RBFOX1: variants seen among roughly 807,000 people sequenced by gnomAD.
The protein encoded by RBFOX1 is RNA binding protein fox-1 homolog 1.
A neutral mutation model predicts 57.7 loss-of-function variants in RBFOX1; 8 were observed. The ratio of observed to expected loss-of-function variants is 0.14; its 90% CI spans 0.08 to 0.25. The LOEUF is 0.25. Among genes scored for constraint, RBFOX1 ranks in the 10% least tolerant of loss-of-function variants. The pLI, the probability that RBFOX1 is intolerant of heterozygous loss-of-function variation, is 1.00. For synonymous variants in RBFOX1, 326 were observed against 222.4 expected, an observed-to-expected ratio of 1.47 and a Z score of -4.15; for missense variants, 611 against 548.5, an observed-to-expected ratio of 1.11 and a Z score of -1.14.
intron 1 of RBFOX1, among the ~76,000 whole-genome samples, chr16:5,252,046 A>G (rs1224917608): frequency 6.6e-6 from 1 of 152,128 alleles, no homozygotes; most frequent in Non-Finnish European, 1.5e-5. Flanking sequence ...GAGCTGGGGA[A>G]GTGCAGGTCA....
At chr16:6,633,320 C>T (rs147928556) in intron 2 of RBFOX1, among the ~76,000 whole-genome samples, 2 of 152,258 alleles carry the variant, frequency 1.3e-5, no homozygotes, top group African/African-American at 2.4e-5. Flanking sequence ...TCTTGTCGCC[C>T]AGGCTGGAAT....
chr16:6,277,458 C>CAAAAAAAAAA (rs59733415), intron 1 of RBFOX1, among the ~76,000 whole-genome samples: 40 of 80,806 alleles, frequency 5.0e-4, no homozygotes, highest in African/African-American at 1.3e-3. Context: ...GTCTGTCTCC[C>CAAAAAAAAAA]AAAAAAAAAA....
intron 10 of RBFOX1, among the ~76,000 whole-genome samples, chr16:7,615,484 AAT>A (rs2058292746): frequency 6.6e-6 from 1 of 152,166 alleles, no homozygotes; most frequent in South Asian, 2.1e-4. Flanking sequence ...TTTGCAGGTA[AAT>A]TAGATCCAGT....
chr16:7,097,451 G>A (rs569566556), intron 4 of RBFOX1, among the ~76,000 whole-genome samples: 9 of 152,322 alleles, frequency 5.9e-5, no homozygotes, highest in African/African-American at 2.2e-4. Context: ...GGGAAAGAGA[G>A]AAGAACCCTA....
chr16:5,808,478 A>G (rs762458681), intron 3 of RBFOX1, among the ~76,000 whole-genome samples: 17 of 152,232 alleles, frequency 1.1e-4, no homozygotes, highest in Non-Finnish European at 1.6e-4. Context: ...AGCTTGATGG[A>G]GATGGCATTG....
chr16:7,303,874 G>GC (rs2096097306), intron 4 of RBFOX1, among the ~76,000 whole-genome samples: 1 of 115,326 alleles, frequency 8.7e-6, no homozygotes, highest in Non-Finnish European at 1.8e-5. Context: ...CGCTATCCTT[G>GC]CCCCCCTCCC....
intron 3 of RBFOX1, among the ~76,000 whole-genome samples, chr16:6,840,637 C>T (rs376205393): frequency 6.6e-6 from 1 of 152,002 alleles, no homozygotes; most frequent in Non-Finnish European, 1.5e-5. Context: ...ACCCATAACC[C>T]CAGCACTTTG....
At chr16:6,450,051 G>C (rs991305216) in intron 2 of RBFOX1, among the ~76,000 whole-genome samples, 6 of 152,132 alleles carry the variant, frequency 3.9e-5, no homozygotes, top group African/African-American at 1.4e-4. Context: ...CCATCTTTAA[G>C]GAGATAGTAA....
intron 4 of RBFOX1, among the ~76,000 whole-genome samples, chr16:5,970,918 A>G (rs1234966491): frequency 1.3e-5 from 2 of 152,190 alleles, no homozygotes; most frequent in Non-Finnish European, 2.9e-5. Flanking sequence ...ATGTGTTCTC[A>G]GTGCACCCTA....
At chr16:7,242,148 G>A (rs942898277) in intron 4 of RBFOX1, among the ~76,000 whole-genome samples, 8 of 151,986 alleles carry the variant, frequency 5.3e-5, no homozygotes, top group Admixed American at 2.0e-4. Context: ...GCACACATGC[G>A]CACAGAGAAA....
intron 3 of RBFOX1, among the ~76,000 whole-genome samples, chr16:7,000,596 CT>C (rs759103545): frequency 0.038 from 3,474 of 92,304 alleles, 166 homozygotes; most frequent in African/African-American, 0.13. Context: ...CTTTTTCTTT[CT>C]TTTTTTTTTT....
intron 3 of RBFOX1, among the ~76,000 whole-genome samples, chr16:7,033,579 G>C (rs2043388709): frequency 6.6e-6 from 1 of 152,170 alleles, no homozygotes; most frequent in Admixed American, 6.5e-5. Context: ...TGATCATCAT[G>C]GGTGATATGC....
intron 2 of RBFOX1, among the ~76,000 whole-genome samples, chr16:6,588,980 G>T (rs1355815478): frequency 6.6e-6 from 1 of 152,112 alleles, no homozygotes; most frequent in East Asian, 1.9e-4. Context: ...TCTGTACTTT[G>T]ATACTACCTA....
chr16:7,299,300 A>G (rs1011937472), intron 4 of RBFOX1, among the ~76,000 whole-genome samples: 2 of 152,310 alleles, frequency 1.3e-5, no homozygotes, highest in African/African-American at 4.8e-5. Context: ...GTTCTAAACC[A>G]CCAATGTAAC....
chr16:6,920,408 T>C (rs1304641995), intron 3 of RBFOX1, among the ~76,000 whole-genome samples: 1 of 152,214 alleles, frequency 6.6e-6, no homozygotes, highest in Non-Finnish European at 1.5e-5. Flanking sequence ...ACTGTTTCTC[T>C]TGCTTCCTCA....
chr16:7,646,260 G>T (rs1260263433), intron 11 of RBFOX1, among the ~76,000 whole-genome samples: 1 of 152,170 alleles, frequency 6.6e-6, no homozygotes, highest in African/African-American at 2.4e-5. Context: ...TGCTCTATGA[G>T]CTATGGCTGG....
intron 3 of RBFOX1, among the ~76,000 whole-genome samples, chr16:6,702,274 C>T (rs897872462): frequency 6.6e-6 from 1 of 152,152 alleles, no homozygotes; most frequent in Non-Finnish European, 1.5e-5. Flanking sequence ...AAATTATCGG[C>T]CAGCCGTGGT....
intron 3 of RBFOX1, among the ~76,000 whole-genome samples, chr16:7,005,796 C>A (rs1342048909): frequency 1.3e-5 from 2 of 150,690 alleles, no homozygotes; most frequent in Non-Finnish European, 2.9e-5. Flanking sequence ...GACCATTCAT[C>A]TTCTTTTTCT....
chr16:7,532,620 G>C (rs1256709899), intron 5 of RBFOX1, among the ~76,000 whole-genome samples: 1 of 152,188 alleles, frequency 6.6e-6, no homozygotes, highest in Non-Finnish European at 1.5e-5. Context: ...CTTCTCTCCA[G>C]CCTTCTCCAG....
Sources: allele counts gnomAD v4.1 joint callset (sites outside exome capture counted in the v4.1 genomes callset), GRCh38; gene constraint gnomAD v4.1.1; transcripts MANE v1.5; gene names NCBI Gene and HGNC (gene_info 2026-07-23, HGNC 2026-07-21).